CCDC171: variants seen among roughly 807,000 people sequenced by gnomAD.
CCDC171 encodes coiled-coil domain containing 171, also known as coiled-coil domain-containing protein 171.
CCDC171 carries 177 observed loss-of-function variants against 168.2 expected under a neutral mutation model. That is an observed-to-expected ratio of 1.05 (90% CI 0.93 to 1.19). The LOEUF (loss-of-function observed/expected upper bound fraction) is 1.19. CCDC171 is among the 50% of genes most tolerant of loss of function. CCDC171 has a pLI of 0.00. For missense variants in CCDC171, 1,991 were observed against 1,539.0 expected, an observed-to-expected ratio of 1.29 and a Z score of -4.91; for synonymous variants, 687 against 540.8, an observed-to-expected ratio of 1.27 and a Z score of -3.75.
intron 10 of CCDC171, among the ~76,000 whole-genome samples, chr9:15,693,272 C>T (rs2050957180): frequency 6.6e-6 from 1 of 152,092 alleles, no homozygotes; most frequent in East Asian, 1.9e-4. Context: ...ATACTGTCAA[C>T]CCACTTCCCT....
At chr9:15,644,159 A>T (rs949936020) in intron 7 of CCDC171, among the ~76,000 whole-genome samples, 1 of 152,220 alleles carries the variant, frequency 6.6e-6, no homozygotes, top group African/African-American at 2.4e-5. Flanking sequence ...TGTTTTCCAC[A>T]GCAGCCAAAC....
Position 15,902,594 on chromosome 9 carries a change from T to G in CCDC171, c.3601-17676T>G, listed in dbSNP as rs1413971632. On this transcript the variant is annotated intron_variant, in intron 24 of 25. Transcript: ENST00000380701. The stretch of plus-strand genomic sequence containing the variant: ...AATAGGAACAGCTCCAGTCTACAGC[T>G]CCCAGCATGAGCAATGCAGAAGATA... Among the ~76,000 whole-genome samples, 9 of 152,068 alleles carry G rather than the reference T, an allele frequency of 5.9e-5. No individual in the cohort carries two copies. In the East Asian group the frequency reaches 1.2e-3, roughly 20 times the overall value.
At chr9:15,697,923 T>G (rs1389822232) in intron 11 of CCDC171, among the ~76,000 whole-genome samples, 1 of 152,224 alleles carries the variant, frequency 6.6e-6, no homozygotes, top group East Asian at 1.9e-4. Flanking sequence ...GATATTTTGA[T>G]ACATGCATGA....
intron 16 of CCDC171, among the ~76,000 whole-genome samples, 175 bp from the exon 17 acceptor site, chr9:15,744,098 G>T (rs2055085590): frequency 6.6e-6 from 1 of 152,144 alleles, no homozygotes; most frequent in Non-Finnish European, 1.5e-5. Flanking sequence ...GATCTAAGCT[G>T]TTTGGCTCAC....
At chr9:15,696,776 C>T (rs1237968282) in intron 11 of CCDC171, among the ~76,000 whole-genome samples, 1 of 152,186 alleles carries the variant, frequency 6.6e-6, no homozygotes, top group East Asian at 1.9e-4. Context: ...GAAGTTATTA[C>T]TAAGCCTACA....
intron 11 of CCDC171, among the ~76,000 whole-genome samples, chr9:15,720,878 T>A (rs2053434208): frequency 6.6e-6 from 1 of 152,176 alleles, no homozygotes. Flanking sequence ...TGTGATGTTC[T>A]CTTTCCTGTG....
chr9:15,846,640 T>C (rs1011092713), intron 21 of CCDC171, 62 bp from the exon 22 acceptor site: 2 of 1,524,668 alleles, frequency 1.3e-6, no homozygotes, highest in South Asian at 1.2e-5. Flanking sequence ...TAATAGCCTA[T>C]GGCATAAATT....
At chr9:15,737,812 A>C (rs371915305) in intron 16 of CCDC171, among the ~76,000 whole-genome samples, 1 of 152,168 alleles carries the variant, frequency 6.6e-6, no homozygotes, top group Admixed American at 6.5e-5. Flanking sequence ...ACTAGATAAT[A>C]GGATTGCTAG....
At chr9:15,625,644 T>G (rs189857751) in intron 7 of CCDC171, among the ~76,000 whole-genome samples, 31 of 152,324 alleles carry the variant, frequency 2.0e-4, no homozygotes, top group Non-Finnish European at 3.8e-4. Flanking sequence ...TGCTAATATT[T>G]CTGAGGGCTC....
At chr9:16,082,287 TATTTCCAAC>T in the CCDC171 span, among the ~76,000 whole-genome samples, 1 of 152,250 alleles carries the variant, frequency 6.6e-6, no homozygotes, top group Non-Finnish European at 1.5e-5. Context: ...ATAAAATGAT[TATTTCCAAC>T]ATTTCTAATC....
At chr9:15,962,915 A>G (rs1231477175) in intron 25 of CCDC171, among the ~76,000 whole-genome samples, 2 of 151,500 alleles carry the variant, frequency 1.3e-5, no homozygotes, top group Non-Finnish European at 2.9e-5. Context: ...GTATATATAT[A>G]TACACATAAA....
the CCDC171 span, among the ~76,000 whole-genome samples, chr9:16,072,561 T>C: frequency 6.6e-6 from 1 of 152,126 alleles, no homozygotes; most frequent in Non-Finnish European, 1.5e-5. Flanking sequence ...AGCTCATATC[T>C]AGCTGTGGGA....
chr9:15,864,172 C>G (rs2061673289), intron 23 of CCDC171, among the ~76,000 whole-genome samples: 1 of 151,888 alleles, frequency 6.6e-6, no homozygotes, highest in Non-Finnish European at 1.5e-5. Context: ...AGTTTATTTG[C>G]TAGTTTTATG....
chr9:15,806,210 A>G (rs1011216919), intron 21 of CCDC171, among the ~76,000 whole-genome samples: 6 of 152,048 alleles, frequency 3.9e-5, no homozygotes, highest in Admixed American at 1.3e-4. Context: ...GTGTCTTTCA[A>G]TTGGGGCATT....
At chr9:16,075,797 A>G in the CCDC171 span, among the ~76,000 whole-genome samples, 163 of 152,312 alleles carry the variant, frequency 1.1e-3, 2 homozygotes, top group Non-Finnish European at 1.5e-4. Flanking sequence ...CAACCCATTA[A>G]TGGGTCACAC....
chr9:15,995,182 GC>G (rs1413627808), intron 3 of CCDC171, among the ~76,000 whole-genome samples: 1 of 152,142 alleles, frequency 6.6e-6, no homozygotes, highest in Non-Finnish European at 1.5e-5. Context: ...TCTACCCTAG[GC>G]ACATGGTTGA....
intron 6 of CCDC171, among the ~76,000 whole-genome samples, chr9:15,613,527 CTTT>C (rs749825977): frequency 7.2e-6 from 1 of 139,140 alleles, no homozygotes; most frequent in Non-Finnish European, 1.6e-5. Flanking sequence ...TTTTTCTTTT[CTTT>C]TTTTTTTTTT....
the CCDC171 span, among the ~76,000 whole-genome samples, chr9:16,099,370 C>T: frequency 6.6e-6 from 1 of 152,172 alleles, no homozygotes. Context: ...GGATGGGAAA[C>T]GCCATCGCAG....
chr9:15,694,299 C>T (rs1169853613), intron 10 of CCDC171, among the ~76,000 whole-genome samples: 2 of 152,150 alleles, frequency 1.3e-5, no homozygotes, highest in Non-Finnish European at 2.9e-5. Flanking sequence ...GACCCTGCTT[C>T]TAAGATTTAC....
Sources: gnomAD v4.1 joint callset for allele counts (sites outside exome capture counted in the v4.1 genomes callset) on GRCh38, gnomAD v4.1.1 for gene constraint, MANE v1.5 for transcripts, NCBI Gene and HGNC (gene_info 2026-07-23, HGNC 2026-07-21) for gene names.